The following ASTN2 variants were observed in gnomAD, a reference collection of about 807,000 sequenced individuals.
ASTN2 encodes astrotactin-2.
Under a neutral mutation model 139.8 loss-of-function variants are expected in ASTN2, and 54 were observed. The observed-to-expected ratio is 0.39, with a 90% CI of 0.31 to 0.48. The LOEUF is 0.48. Among genes scored for constraint, ASTN2 ranks in the 20% least tolerant of loss-of-function variants. The pLI is 0.95. For missense variants in ASTN2, 1,565 were observed against 1,725.1 expected (o/e 0.91, Z 1.64); for synonymous variants, 756 against 719.5 (o/e 1.05, Z -0.81).
At chr9:117,357,909 T>C (rs370626610) in intron 1 of ASTN2, among the ~76,000 whole-genome samples, 8 of 152,284 alleles carry the variant, frequency 5.3e-5, no homozygotes, top group Non-Finnish European at 8.8e-5. Context: ...AGGCAAAGAT[T>C]GTAGAAACAG....
chr9:117,260,550 C>T (rs968819019), intron 2 of ASTN2, among the ~76,000 whole-genome samples: 2 of 152,180 alleles, frequency 1.3e-5, no homozygotes, highest in African/African-American at 4.8e-5. Context: ...AACCTACCAG[C>T]TGTCAACAAC....
chr9:116,501,855 T>TAA (rs1034675661), intron 19 of ASTN2, among the ~76,000 whole-genome samples: 7 of 141,274 alleles, frequency 5.0e-5, no homozygotes, highest in African/African-American at 1.8e-4. Context: ...AGTATAATAA[T>TAA]AAAAAAAAAA....
chr9:117,268,988 G>C (rs143742738), intron 2 of ASTN2, among the ~76,000 whole-genome samples: 1 of 152,260 alleles, frequency 6.6e-6, no homozygotes, highest in Middle Eastern at 3.4e-3. Context: ...TACCTACTTC[G>C]CATGGCTGTG....
chr9:116,687,467 C>T lies in ASTN2; in HGVS notation c.2807-35674G>A, dbSNP rs112643631. On this transcript the variant is annotated intron_variant, in intron 16 of 22. Transcript: ENST00000313400. ...TCAGCGGCCAGGCGGGGGAACGTGCCGGCGTGCAGCGGCCGCGCCCGAATG... is the reference window on the plus strand; with the variant it reads ...TCAGCGGCCAGGCGGGGGAACGTGCTGGCGTGCAGCGGCCGCGCCCGAATG... 0.084 allele frequency: 12,015 copies of T among 143,324 alleles called. 526 individuals are homozygous for T. The highest frequency in any genetic ancestry group is 0.15 in the East Asian group (598 of 3,890). 8.9% of individuals were successfully genotyped at this position (143,324 alleles called of 1,614,324 possible). A position where few individuals can be genotyped will look rare whatever the true frequency, so the allele number is the denominator to read the frequency against.
At chr9:116,808,248 A>G (rs1312788283) in intron 12 of ASTN2, among the ~76,000 whole-genome samples, 3 of 151,998 alleles carry the variant, frequency 2.0e-5, no homozygotes, top group Non-Finnish European at 2.9e-5. Context: ...GTGCTCTTCC[A>G]GGAGTTTTTC....
intron 1 of ASTN2, among the ~76,000 whole-genome samples, chr9:117,388,641 G>T (rs954299239): frequency 6.6e-6 from 1 of 152,152 alleles, no homozygotes; most frequent in Admixed American, 6.5e-5. Context: ...TGGATGGCTT[G>T]GTTAGGGTGC....
intron 11 of ASTN2, among the ~76,000 whole-genome samples, chr9:116,844,752 G>A (rs1398001755): frequency 6.6e-6 from 1 of 152,118 alleles, no homozygotes; most frequent in Non-Finnish European, 1.5e-5. Context: ...GTAATAAAAT[G>A]TCTGGTTGTA....
chr9:117,071,417 TGTCA>T (rs1297626011), intron 5 of ASTN2, among the ~76,000 whole-genome samples: 1 of 151,548 alleles, frequency 6.6e-6, no homozygotes, highest in African/African-American at 2.4e-5. Flanking sequence ...CCTTCAAAGC[TGTCA>T]GACAGGGACA....
intron 19 of ASTN2, chr9:116,546,511 G>T (rs912396728): frequency 6.6e-6 from 1 of 152,164 alleles, no homozygotes; most frequent in African/African-American, 2.4e-5. Flanking sequence ...GTAATGTATT[G>T]AGTTAAGAGA....
At chr9:117,332,480 C>T (rs1564151021) in intron 1 of ASTN2, among the ~76,000 whole-genome samples, 1 of 152,138 alleles carries the variant, frequency 6.6e-6, no homozygotes, top group Non-Finnish European at 1.5e-5. Flanking sequence ...GTGTGAGAAT[C>T]GCTTGAGCCA....
At chr9:117,078,059 T>A (rs538064206) in intron 5 of ASTN2, among the ~76,000 whole-genome samples, 1 of 152,208 alleles carries the variant, frequency 6.6e-6, no homozygotes, top group Non-Finnish European at 1.5e-5. Context: ...CTGTAAAGAG[T>A]CAATGCGCAC....
At position 116,440,654 on chromosome 9, in the gene ASTN2, T is replaced by G. The variant is rs1847813063; in HGVS notation, c.3737A>C (p.Lys1246Thr). ...VQHHYNSHYEKFGDFVWRSED... is the reference protein window; with the variant it reads ...VQHHYNSHYETFGDFVWRSED... Reference sequence around the variant, plus strand: ...ACTTCTCCAGACGAAGTCGCCAAACTTTTCATAGTGAGAGTTGTAGTGGTG... The same window carrying G: ...ACTTCTCCAGACGAAGTCGCCAAACGTTTCATAGTGAGAGTTGTAGTGGTG... The change falls in exon 22 of 23, where the codon AAG (lysine) becomes ACG (threonine). Residue 1246 changes from lysine to threonine, a missense_variant. By Grantham distance (78) the Lys-to-Thr change is moderately conservative. Around this residue, in one of 4 missense-constraint regions of ASTN2, gnomAD observed 418 missense variants for 465.8 expected, o/e 0.90. Coordinates refer to ENST00000313400, the MANE Select transcript of ASTN2 (RefSeq NM_001365068.1). The G allele has an allele frequency of 1.9e-6, 3 of 1,613,958 alleles. No individual in the cohort carries two copies. Among genetic ancestry groups the G allele is most frequent in the Admixed American group, 3.3e-5 (2 of 59,994 alleles).
At chr9:117,353,362 G>A (rs1043053822) in intron 1 of ASTN2, among the ~76,000 whole-genome samples, 1 of 152,138 alleles carries the variant, frequency 6.6e-6, no homozygotes, top group African/African-American at 2.4e-5. Context: ...CATCTGTACT[G>A]TCCAATATGG....
At position 116,462,127 on chromosome 9, in the gene ASTN2, A is replaced by G. The variant is rs1848505316; in HGVS notation, c.3498-19574T>C. Among the ~76,000 whole-genome samples, 5 of 152,316 alleles carry G rather than the reference A, an allele frequency of 3.3e-5. 1 individual carries two copies. The South Asian group carries it at 1.0e-3, about 32-fold the overall frequency. On this transcript the variant is annotated intron_variant, in intron 20 of 22. Coordinates refer to ENST00000313400, the MANE Select transcript of ASTN2 (RefSeq NM_001365068.1). ...AGGGTTTAAACCCAAGCCTGATTCT[A>G]AAGACCACTCTCTTTCTGCTACAAT...
chr9:117,016,685 TTA>T (rs1186006940), intron 6 of ASTN2, among the ~76,000 whole-genome samples: 5 of 128,288 alleles, frequency 3.9e-5, no homozygotes, highest in Admixed American at 7.5e-5. Flanking sequence ...TATATATAGG[TTA>T]TATATATATG....
chr9:116,581,758 T>G (rs774102679), intron 19 of ASTN2, among the ~76,000 whole-genome samples: 27 of 152,188 alleles, frequency 1.8e-4, no homozygotes, highest in Non-Finnish European at 2.8e-4. Context: ...CATCTCTTCT[T>G]AATTAGTTCA....
intron 3 of ASTN2, among the ~76,000 whole-genome samples, chr9:117,165,202 C>G (rs1198984152): frequency 6.6e-6 from 1 of 152,092 alleles, no homozygotes; most frequent in Non-Finnish European, 1.5e-5. Flanking sequence ...TTTGCATTTA[C>G]ACTGACGTAG....
intron 19 of ASTN2, chr9:116,551,176 C>T (rs1367809050): frequency 6.6e-6 from 1 of 152,186 alleles, no homozygotes; most frequent in Non-Finnish European, 1.5e-5. Context: ...CTGGTTCAGT[C>T]ATTTTGGGGC....
At chr9:116,441,827 A>G (rs1190046959) in intron 21 of ASTN2, among the ~76,000 whole-genome samples, 1 of 152,350 alleles carries the variant, frequency 6.6e-6, no homozygotes, top group East Asian at 1.9e-4. Flanking sequence ...ATGCTGAAGA[A>G]CAAAGTATAT....
Sources: allele counts gnomAD v4.1 joint callset (sites outside exome capture counted in the v4.1 genomes callset), GRCh38; gene constraint gnomAD v4.1.1; regional missense constraint gnomAD v4.1.1; transcripts MANE v1.5; gene names NCBI Gene and HGNC (gene_info 2026-07-23, HGNC 2026-07-21).